The following NEK11 variants were observed in gnomAD, a reference collection of about 807,000 sequenced individuals.
NEK11 encodes the protein NIMA related kinase 11.
NEK11 carries 72 observed loss-of-function variants against 80.7 expected under a neutral mutation model. That is an observed-to-expected ratio of 0.89 (90% CI 0.74 to 1.08). The LOEUF (loss-of-function observed/expected upper bound fraction) is 1.08, where lower values mean the gene tolerates loss of function less well. Among genes scored for constraint, NEK11 ranks in the 50% least tolerant of loss-of-function variants. The pLI is 0.00. For synonymous variants in NEK11, 251 were observed against 260.7 expected, an observed-to-expected ratio of 0.96 and a Z score of 0.36; for missense variants, 764 against 763.6, an observed-to-expected ratio of 1.00 and a Z score of -0.01.
intron 17 of NEK11, among the ~76,000 whole-genome samples, chr3:131,320,853 CACAA>C (rs1168700940): frequency 3.3e-5 from 5 of 152,052 alleles, no homozygotes; most frequent in African/African-American, 7.2e-5. Flanking sequence ...TCATAGATGA[CACAA>C]ACAAATACAA....
At chr3:131,126,434 C>T (rs1323956264) in intron 5 of NEK11, among the ~76,000 whole-genome samples, 1 of 152,048 alleles carries the variant, frequency 6.6e-6, no homozygotes, top group Non-Finnish European at 1.5e-5. Flanking sequence ...AATAGTTTAG[C>T]TACTATTTCA....
Position 131,051,430 on chromosome 3 carries a change from G to A in NEK11, c.170+21552G>A, listed in dbSNP as rs145388455. 2.6e-5 allele frequency among the ~76,000 whole-genome samples: 4 copies of A among 152,246 alleles called. No homozygotes were observed. The East Asian group carries it at 5.8e-4, about 22-fold the overall frequency. On this transcript the variant is annotated intron_variant, in intron 3 of 17. Transcript: ENST00000383366. ...TATTTGCCAGGTCTAAAATACCCCG[G>A]CCTGTAGATAAAAATCCCAAACTGT...
intron 3 of NEK11, among the ~76,000 whole-genome samples, chr3:131,077,084 C>A (rs1481556410): frequency 6.6e-6 from 1 of 152,146 alleles, no homozygotes; most frequent in Non-Finnish European, 1.5e-5. Flanking sequence ...AAGTTATTCT[C>A]AAAGTTTGTC....
chr3:131,258,626 C>T (rs1037730146), intron 16 of NEK11, among the ~76,000 whole-genome samples: 1 of 152,164 alleles, frequency 6.6e-6, no homozygotes, highest in African/African-American at 2.4e-5. Flanking sequence ...TCGTCTCTTC[C>T]TTTTACTGGT....
chr3:131,169,063 G>A (rs1285098915), intron 13 of NEK11, 126 bp downstream of exon 13: 5 of 571,990 alleles, frequency 8.7e-6, no homozygotes, highest in Admixed American at 3.5e-5. Flanking sequence ...AAATGTAGCA[G>A]GAAAAAGCTT....
intron 4 of NEK11, among the ~76,000 whole-genome samples, chr3:131,086,257 CT>C (rs1280082885): frequency 6.6e-6 from 1 of 152,074 alleles, no homozygotes; most frequent in African/African-American, 2.4e-5. Context: ...TAGCCTGTTT[CT>C]TTTCAAATCT....
chr3:131,119,669 A>G (rs2082019205), intron 5 of NEK11, among the ~76,000 whole-genome samples: 2 of 152,244 alleles, frequency 1.3e-5, no homozygotes, highest in Non-Finnish European at 2.9e-5. Context: ...TTGGGTGTAT[A>G]TATATTTAGG....
intron 5 of NEK11, among the ~76,000 whole-genome samples, chr3:131,111,576 G>A (rs902594030): frequency 6.6e-6 from 1 of 152,160 alleles, no homozygotes; most frequent in Admixed American, 6.6e-5. Context: ...CATGGTGGAT[G>A]TGCACAATTC....
intron 3 of NEK11, among the ~76,000 whole-genome samples, chr3:131,073,139 C>G (rs1398033608): frequency 6.6e-6 from 1 of 152,158 alleles, no homozygotes; most frequent in East Asian, 1.9e-4. Context: ...GCAGAGAACT[C>G]CAGGGAGCAC....
Position 131,293,638 on chromosome 3 carries a change from C to T in NEK11, c.1718+20064C>T, listed in dbSNP as rs190246728. On this transcript the variant is annotated intron_variant, in intron 17 of 17. Coordinates refer to ENST00000383366, the MANE Select transcript of NEK11 (RefSeq NM_024800.5). ...AATGAGTTAGGAAATATTCCTTCTG[C>T]TTCTATCCTCTGAAAGAGATTGTAG... Among the ~76,000 whole-genome samples, 400 of 152,144 alleles carry T rather than the reference C, an allele frequency of 2.6e-3. 3 individuals carry two copies. Among genetic ancestry groups the T allele is most frequent in the African/African-American group, 9.0e-3 (375 of 41,538 alleles).
At chr3:131,257,427 T>G (rs2095836963) in intron 16 of NEK11, among the ~76,000 whole-genome samples, 1 of 152,120 alleles carries the variant, frequency 6.6e-6, no homozygotes, top group African/African-American at 2.4e-5. Flanking sequence ...AGATTCCCCT[T>G]ACAAGGGAAA....
intron 17 of NEK11, among the ~76,000 whole-genome samples, chr3:131,301,174 C>T (rs1462508848): frequency 6.6e-6 from 1 of 152,152 alleles, no homozygotes. Flanking sequence ...ATTTGGCCCT[C>T]AGCTTGGACA....
intron 17 of NEK11, among the ~76,000 whole-genome samples, chr3:131,346,586 G>C (rs1183879247): frequency 2.0e-5 from 3 of 152,154 alleles, no homozygotes; most frequent in Admixed American, 2.0e-4. Context: ...AAAGGGAAAG[G>C]GGTGGAAAAA....
intron 13 of NEK11, among the ~76,000 whole-genome samples, chr3:131,170,178 TACAC>T (rs751325198): frequency 1.1e-3 from 168 of 151,962 alleles, no homozygotes; most frequent in Admixed American, 7.2e-4. Flanking sequence ...CAAACACAAA[TACAC>T]ACACACACAC....
At chr3:131,256,505 T>A (rs1561229543) in intron 16 of NEK11, among the ~76,000 whole-genome samples, 1 of 152,202 alleles carries the variant, frequency 6.6e-6, no homozygotes, top group Non-Finnish European at 1.5e-5. Flanking sequence ...TTAAGGTAAA[T>A]GCAGAAATAT....
intron 14 of NEK11, among the ~76,000 whole-genome samples, chr3:131,182,613 T>A (rs2093416166): frequency 6.6e-6 from 1 of 152,178 alleles, no homozygotes; most frequent in African/African-American, 2.4e-5. Flanking sequence ...ACCCCTTCAT[T>A]TGTCTGAATT....
intron 17 of NEK11, among the ~76,000 whole-genome samples, chr3:131,281,715 T>G (rs958934170): frequency 6.6e-6 from 1 of 152,184 alleles, no homozygotes; most frequent in African/African-American, 2.4e-5. Flanking sequence ...ACCAGCAAAG[T>G]ATGAGAGTGT....
chr3:131,147,119 G>T (rs1180235664), intron 7 of NEK11, among the ~76,000 whole-genome samples: 4 of 151,982 alleles, frequency 2.6e-5, no homozygotes, highest in Non-Finnish European at 5.9e-5. Context: ...AGATCATGAA[G>T]ATATTCTCTT....
At chr3:131,029,953 G>A in intron 3 of NEK11, 75 bp downstream of exon 3, 1 of 1,409,864 alleles carries the variant, frequency 7.1e-7, no homozygotes, top group South Asian at 1.2e-5. Context: ...TAGGAACATG[G>A]AGCAGGCCAG....
Sources: allele counts gnomAD v4.1 joint callset (sites outside exome capture counted in the v4.1 genomes callset), GRCh38; gene constraint gnomAD v4.1.1; transcripts MANE v1.5; gene names NCBI Gene and HGNC (gene_info 2026-07-23, HGNC 2026-07-21).